The following SNX18 variants were observed in gnomAD, a reference collection of about 807,000 sequenced individuals.
The protein encoded by SNX18 is sorting nexin 18.
SNX18 carries 35 observed loss-of-function variants against 48.7 expected under a neutral mutation model. The observed-to-expected ratio is 0.72, with a 90% CI of 0.55 to 0.95. The LOEUF (loss-of-function observed/expected upper bound fraction) is 0.95, where lower values mean the gene tolerates loss of function less well. Among genes scored for constraint, SNX18 ranks in the 40% least tolerant of loss-of-function variants. SNX18 has a pLI of 0.00. For missense variants in SNX18, 824 were observed against 871.0 expected, an observed-to-expected ratio of 0.95 and a Z score of 0.68; for synonymous variants, 492 against 384.7, an observed-to-expected ratio of 1.28 and a Z score of -3.26.
the SNX18 span, among the ~76,000 whole-genome samples, chr5:54,636,152 G>T: frequency 1.1e-4 from 17 of 152,188 alleles, no homozygotes; most frequent in African/African-American, 3.9e-4. Flanking sequence ...CTAGACTCTA[G>T]CCTTCCTAAG....
the SNX18 span, among the ~76,000 whole-genome samples, chr5:54,599,328 G>C: frequency 3.3e-5 from 5 of 152,232 alleles, no homozygotes; most frequent in South Asian, 1.0e-3. Context: ...AAGGAAGCCA[G>C]AGAGGACACA....
At chr5:54,605,418 C>T in the SNX18 span, among the ~76,000 whole-genome samples, 1 of 152,006 alleles carries the variant, frequency 6.6e-6, no homozygotes, top group African/African-American at 2.4e-5. Flanking sequence ...TAAAGCCACG[C>T]TTATCACAGT....
intron 1 of SNX18, chr5:54,519,831 T>C (rs1761982221): frequency 6.3e-6 from 10 of 1,599,304 alleles, no homozygotes; most frequent in Non-Finnish European, 8.5e-6. Context: ...GACAGTGCTA[T>C]CATTTTAGAG....
the SNX18 span, among the ~76,000 whole-genome samples, chr5:54,571,709 T>G: frequency 6.6e-6 from 1 of 152,222 alleles, no homozygotes; most frequent in African/African-American, 2.4e-5. Context: ...GGAGAATTCT[T>G]TCTGCCACTC....
chr5:54,557,747 A>G, the SNX18 span, among the ~76,000 whole-genome samples: 1 of 152,214 alleles, frequency 6.6e-6, no homozygotes, highest in African/African-American at 2.4e-5. Flanking sequence ...GAAATGATTG[A>G]GATGATAAAT....
the SNX18 span, among the ~76,000 whole-genome samples, chr5:54,600,087 C>T: frequency 6.6e-6 from 1 of 152,112 alleles, no homozygotes; most frequent in Non-Finnish European, 1.5e-5. Context: ...ATCCATCCAA[C>T]AAAGGTCTAA....
chr5:54,612,088 C>A, the SNX18 span, among the ~76,000 whole-genome samples: 76 of 151,962 alleles, frequency 5.0e-4, no homozygotes, highest in African/African-American at 1.8e-3. Context: ...ACTATATTGC[C>A]CAGACTGATC....
chr5:54,561,679 C>T, the SNX18 span, among the ~76,000 whole-genome samples: 1 of 152,056 alleles, frequency 6.6e-6, no homozygotes, highest in African/African-American at 2.4e-5. Flanking sequence ...CTTCATCTCC[C>T]AAAACATTTG....
the SNX18 span, among the ~76,000 whole-genome samples, chr5:54,609,029 G>A: frequency 6.6e-6 from 1 of 152,140 alleles, no homozygotes; most frequent in Non-Finnish European, 1.5e-5. Flanking sequence ...TAGTGCATAG[G>A]ACTCTGTGAT....
Position 54,519,540 on chromosome 5 carries a change from G to C in SNX18, c.1588G>C (p.Ala530Pro). ...ATTAGCGCTGTATCAGGGGCATCTG[G>C]CTAACTTCCCGGACATCATCCACGT... The part of the protein sequence containing the change: ...DLLALYQGHL[A>P]NFPDIIHVQK... Residue 530 changes from alanine (A) to proline (P), a missense_variant, in exon 1 of 2, where the codon GCT (alanine) becomes CCT (proline). Ala to Pro is a conservative substitution (Grantham distance 27). Coordinates refer to ENST00000381410, the MANE Select transcript of SNX18 (RefSeq NM_001102575.2). 1.2e-6 allele frequency: 2 copies of C among 1,614,232 alleles called. No individual in the cohort carries two copies. Among genetic ancestry groups the C allele is most frequent in the Non-Finnish European group, 1.7e-6 (2 of 1,180,042 alleles).
At chr5:54,627,573 C>A in the SNX18 span, among the ~76,000 whole-genome samples, 1 of 152,128 alleles carries the variant, frequency 6.6e-6, no homozygotes, top group Admixed American at 6.6e-5. Context: ...TTGGGGCCCT[C>A]CTGGGGTCTG....
chr5:54,584,288 T>C, the SNX18 span, among the ~76,000 whole-genome samples: 1 of 151,996 alleles, frequency 6.6e-6, no homozygotes, highest in African/African-American at 2.4e-5. Context: ...GCTCAGGCAG[T>C]CCGCGTGCCT....
At chr5:54,556,367 C>A in the SNX18 span, among the ~76,000 whole-genome samples, 3 of 152,142 alleles carry the variant, frequency 2.0e-5, no homozygotes, top group Admixed American at 6.5e-5. Flanking sequence ...CATTTCCCTG[C>A]CCTTTCTAGC....
the SNX18 span, among the ~76,000 whole-genome samples, chr5:54,605,445 G>A: frequency 2.0e-5 from 3 of 152,092 alleles, no homozygotes; most frequent in African/African-American, 7.2e-5. Context: ...TTACGTACCA[G>A]GAACCACGTG....
At chr5:54,609,815 T>TGGAGGTGGAGCGTGGTG in the SNX18 span, among the ~76,000 whole-genome samples, 5 of 152,184 alleles carry the variant, frequency 3.3e-5, no homozygotes, top group East Asian at 1.9e-4. Flanking sequence ...TCCCCCACAT[T>TGGAGGTGGAGCGTGGTG]GGAGGTGGAG....
chr5:54,605,715 A>AGT, the SNX18 span, among the ~76,000 whole-genome samples: 15 of 152,292 alleles, frequency 9.8e-5, no homozygotes, highest in Middle Eastern at 6.8e-3. Flanking sequence ...GCTGGAGTGC[A>AGT]GTGGCACTAT....
chr5:54,580,457 G>T, the SNX18 span, among the ~76,000 whole-genome samples: 28 of 151,982 alleles, frequency 1.8e-4, no homozygotes, highest in East Asian at 4.8e-3. Flanking sequence ...TTATTTTAAG[G>T]TTCCTAACAG....
At chr5:54,570,163 T>G in the SNX18 span, among the ~76,000 whole-genome samples, 1 of 152,162 alleles carries the variant, frequency 6.6e-6, no homozygotes, top group African/African-American at 2.4e-5. Context: ...TGGACACAGA[T>G]GCACTGGGAG....
chr5:54,584,538 C>T, the SNX18 span, among the ~76,000 whole-genome samples: 1 of 152,056 alleles, frequency 6.6e-6, no homozygotes, highest in Non-Finnish European at 1.5e-5. Flanking sequence ...TGGAGTGTGG[C>T]CTTGTTGTTC....
Sources: allele counts gnomAD v4.1 joint callset (sites outside exome capture counted in the v4.1 genomes callset), GRCh38; gene constraint gnomAD v4.1.1; transcripts MANE v1.5; gene names NCBI Gene and HGNC (gene_info 2026-07-23, HGNC 2026-07-21).